The following RHBDD1 variants were observed in gnomAD, a reference collection of about 807,000 sequenced individuals.
RHBDD1 encodes rhomboid domain containing 1, also known as rhomboid-related protein 4.
RHBDD1 carries 38 observed loss-of-function variants against 36.3 expected under a neutral mutation model. The observed-to-expected ratio is 1.05, with a 90% CI of 0.81 to 1.37. The LOEUF is 1.37. Among genes scored for constraint, RHBDD1 ranks in the 40% most tolerant of loss-of-function variants. The pLI, the probability that RHBDD1 is intolerant of heterozygous loss-of-function variation, is 0.00. For synonymous variants in RHBDD1, 151 were observed against 136.5 expected (o/e 1.11, Z -0.74); for missense variants, 393 against 377.6 (o/e 1.04, Z -0.34).
intron 8 of RHBDD1, among the ~76,000 whole-genome samples, chr2:226,991,344 G>C (rs894089737): frequency 2.0e-4 from 31 of 152,186 alleles, no homozygotes; most frequent in African/African-American, 7.2e-4. Context: ...ACCACACCCA[G>C]CTAATTTTTG....
chr2:226,995,800 C>A lies in RHBDD1; in HGVS notation c.*278C>A. ...ACGCTCCCATCTCTCACTGCTGACT[C>A]AGCGATGCCTCTGCCTCGGTCTGCT... On this transcript the variant is annotated 3_prime_UTR_variant, in exon 9 of 9. Coordinates refer to ENST00000392062, the MANE Select transcript of RHBDD1 (RefSeq NM_001167608.3). 2.3e-6 allele frequency: 1 copy of A among 440,360 alleles called. No individual in the cohort carries two copies. The highest frequency in any genetic ancestry group is 3.8e-5 in the South Asian group (1 of 26,214). 27.3% of individuals were successfully genotyped at this position (440,360 alleles called of 1,614,324 possible). A position where few individuals can be genotyped will look rare whatever the true frequency, so the allele number is the denominator to read the frequency against.
intron 8 of RHBDD1, among the ~76,000 whole-genome samples, chr2:226,972,780 G>T (rs1953807923): frequency 6.6e-6 from 1 of 152,090 alleles, no homozygotes; most frequent in Non-Finnish European, 1.5e-5. Flanking sequence ...GCTGTTTAAG[G>T]GTGCCTTTCA....
intron 8 of RHBDD1, among the ~76,000 whole-genome samples, chr2:226,945,013 G>T (rs987912067): frequency 5.3e-5 from 8 of 152,016 alleles, no homozygotes; most frequent in Non-Finnish European, 1.5e-5. Flanking sequence ...TTTTTCATGG[G>T]GAGATTTGTG....
chr2:226,880,268 A>G (rs1452833758), intron 5 of RHBDD1, among the ~76,000 whole-genome samples: 1 of 152,168 alleles, frequency 6.6e-6, no homozygotes, highest in Non-Finnish European at 1.5e-5. Context: ...GACTGTCCCA[A>G]GCAGATTGGT....
chr2:226,938,589 G>C (rs947325192), intron 8 of RHBDD1, among the ~76,000 whole-genome samples: 3 of 152,098 alleles, frequency 2.0e-5, no homozygotes, highest in Admixed American at 2.0e-4. Context: ...TTGAATCCCT[G>C]AAGAGACCAA....
upstream of RHBDD1, among the ~76,000 whole-genome samples, chr2:226,833,144 A>C (rs1411913379): frequency 1.3e-5 from 2 of 152,206 alleles, no homozygotes; most frequent in Non-Finnish European, 2.9e-5. Context: ...TCATTTTTAC[A>C]GTTCTTAAAT....
intron 8 of RHBDD1, among the ~76,000 whole-genome samples, chr2:226,947,678 A>G (rs894849571): frequency 2.6e-5 from 4 of 152,202 alleles, no homozygotes; most frequent in African/African-American, 9.7e-5. Flanking sequence ...TCATCTGACA[A>G]AGGGCTAATA....
At chr2:226,875,558 G>A (rs1189035691) in intron 5 of RHBDD1, among the ~76,000 whole-genome samples, 1 of 152,082 alleles carries the variant, frequency 6.6e-6, no homozygotes, top group African/African-American at 2.4e-5. Flanking sequence ...CAGAAGGTGG[G>A]AATGTTAGTT....
chr2:226,812,751 T>TA, the RHBDD1 span, among the ~76,000 whole-genome samples: 1 of 152,186 alleles, frequency 6.6e-6, no homozygotes, highest in Non-Finnish European at 1.5e-5. Context: ...GGGACTCATT[T>TA]AAAAAAATTC....
At chr2:226,844,176 C>G (rs1332558532) in intron 3 of RHBDD1, among the ~76,000 whole-genome samples, 1 of 152,186 alleles carries the variant, frequency 6.6e-6, no homozygotes, top group African/African-American at 2.4e-5. Flanking sequence ...CACATAGTTT[C>G]TCAGCACAAC....
At chr2:226,948,550 T>C (rs935009296) in intron 8 of RHBDD1, among the ~76,000 whole-genome samples, 38 of 55,952 alleles carry the variant, frequency 6.8e-4, no homozygotes, top group Non-Finnish European at 1.2e-3. Context: ...ACATGTACCC[T>C]AAAACTTAAA....
At chr2:226,852,128 C>G (rs1942872804) in intron 3 of RHBDD1, among the ~76,000 whole-genome samples, 1 of 152,116 alleles carries the variant, frequency 6.6e-6, no homozygotes, top group African/African-American at 2.4e-5. Flanking sequence ...TTTGTTGAAT[C>G]CGTAGGATAG....
At chr2:226,837,779 C>T (rs897027338) in intron 1 of RHBDD1, 6 of 152,238 alleles carry the variant, frequency 3.9e-5, no homozygotes, top group African/African-American at 1.4e-4. Flanking sequence ...AGGTAATCCA[C>T]CTGCCTCGTC....
At chr2:226,860,136 A>G in intron 3 of RHBDD1, among the ~76,000 whole-genome samples, 1 of 152,204 alleles carries the variant, frequency 6.6e-6, no homozygotes, top group East Asian at 1.9e-4. Context: ...ACAACTGGAT[A>G]GATGGAAATC....
In RHBDD1 at chr2:226,864,635, T is replaced by C. The variant is rs1044109157; in HGVS notation, c.-59T>C. ...CCGTCTGTATATCTCCCCAGATACC[T>C]GAAACTGACCACCTGAGTACGTTTT... On this transcript the variant is annotated 5_prime_UTR_variant, in exon 4 of 9. Coordinates refer to ENST00000392062, the MANE Select transcript of RHBDD1 (RefSeq NM_001167608.3). The C allele has an allele frequency of 1.4e-6, 2 of 1,437,894 alleles. No individual in the cohort carries two copies. The highest frequency in any genetic ancestry group is 3.6e-5 in the Admixed American group (2 of 55,326). 89.1% of individuals were successfully genotyped at this position (1,437,894 alleles called of 1,614,324 possible). A position where few individuals can be genotyped will look rare whatever the true frequency, so the allele number is the denominator to read the frequency against.
chr2:226,887,786 T>C (rs2125459666), intron 5 of RHBDD1, among the ~76,000 whole-genome samples: 1 of 152,354 alleles, frequency 6.6e-6, no homozygotes, highest in Admixed American at 6.5e-5. Flanking sequence ...AAACTTGCAA[T>C]GCTCTTTTGT....
chr2:226,888,709 A>C (rs1946441040), intron 5 of RHBDD1, among the ~76,000 whole-genome samples: 1 of 152,220 alleles, frequency 6.6e-6, no homozygotes, highest in African/African-American at 2.4e-5. Context: ...TCTTTGCCAA[A>C]GGGCAGTGAA....
In RHBDD1 at chr2:226,865,224, G is replaced by A. The variant is rs1338005429; in HGVS notation, c.433+98G>A. 7.5e-6 allele frequency: 7 copies of A among 937,414 alleles called. No homozygotes were observed. The Admixed American group carries it at 1.4e-4, about 18-fold the overall frequency. 58.1% of individuals were successfully genotyped at this position (937,414 alleles called of 1,614,324 possible). ...AGTGTGGGTCCCTATCAAATTCTGA[G>A]TGGTTAAGGGCTGCTGAGGCTTTGC... On this transcript the variant is annotated intron_variant, in intron 4 of 8. Coordinates refer to ENST00000392062, the MANE Select transcript of RHBDD1 (RefSeq NM_001167608.3).
At chr2:226,824,475 T>A in the RHBDD1 span, among the ~76,000 whole-genome samples, 1 of 152,198 alleles carries the variant, frequency 6.6e-6, no homozygotes, top group South Asian at 2.1e-4. Flanking sequence ...ACAAATTCCC[T>A]GGGAAAGAAA....
Sources: allele counts gnomAD v4.1 joint callset (sites outside exome capture counted in the v4.1 genomes callset), GRCh38; gene constraint gnomAD v4.1.1; transcripts MANE v1.5; gene names NCBI Gene and HGNC (gene_info 2026-07-23, HGNC 2026-07-21).